The following ABCA5 variants were observed in gnomAD, a reference collection of about 807,000 sequenced individuals.
The protein encoded by ABCA5 is cholesterol transporter ABCA5.
In ABCA5, 163 loss-of-function variants were observed where a neutral mutation model predicts 206.0. The ratio of observed to expected loss-of-function variants is 0.79; its 90% CI spans 0.70 to 0.90. The LOEUF is 0.90. Among genes scored for constraint, ABCA5 ranks in the 40% least tolerant of loss-of-function variants. The pLI, the probability that ABCA5 is intolerant of heterozygous loss-of-function variation, is 0.00. For missense variants in ABCA5, 1,859 were observed against 1,912.9 expected (o/e 0.97, Z 0.53); for synonymous variants, 609 against 613.8 (o/e 0.99, Z 0.11).
intron 23 of ABCA5, among the ~76,000 whole-genome samples, chr17:69,265,195 G>A (rs2075195100): frequency 1.3e-5 from 2 of 152,056 alleles, no homozygotes; most frequent in African/African-American, 4.8e-5. Context: ...GTGTCATGGC[G>A]GTTGGGGTTA....
chr17:69,293,833 G>GGTGTGTGTGTGTGTGTGTGTGTGT (rs61315865), intron 11 of ABCA5, among the ~76,000 whole-genome samples: 11 of 123,724 alleles, frequency 8.9e-5, no homozygotes, highest in South Asian at 3.2e-4. Context: ...CAATCATACT[G>GGTGTGTGTGTGTGTGTGTGTGTGT]GTGTGTGTGT....
At position 69,289,237 on chromosome 17, in the gene ABCA5, T is replaced by C. The variant is rs891383896; in HGVS notation, c.1842A>G (p.Lys614=). Residue 614 remains lysine (K), a synonymous_variant, in exon 14 of 39, where the codon AAA becomes AAG. Transcript: ENST00000392676. ...GCTTTCTTTTTTGACCACCACTTAA[T>C]TTTTTAGCTTGGTTATCTTTGATAG... ...MQTIKDNQAK[K]LSGGQKRKLS... The C allele has an allele frequency of 1.9e-6, 3 of 1,608,586 alleles. No homozygotes were observed. In the Admixed American group the frequency reaches 5.1e-5, roughly 27 times the overall value.
chr17:69,275,881 C>T (rs1359766515), intron 19 of ABCA5, among the ~76,000 whole-genome samples: 4 of 152,034 alleles, frequency 2.6e-5, no homozygotes, highest in Non-Finnish European at 4.4e-5. Flanking sequence ...AGGGTGCATG[C>T]CAGTGTACAT....
intron 19 of ABCA5, among the ~76,000 whole-genome samples, chr17:69,275,774 T>C (rs1173188035): frequency 2.0e-5 from 3 of 152,166 alleles, no homozygotes; most frequent in African/African-American, 7.2e-5. Flanking sequence ...TATGATGGTA[T>C]TTGGAAATGG....
chr17:69,277,599 A>C, intron 19 of ABCA5, 42 bp downstream of exon 19: 1 of 1,494,824 alleles, frequency 6.7e-7, no homozygotes, highest in Non-Finnish European at 9.0e-7. Context: ...GTGTATCCTT[A>C]AAAAGCAATC....
intron 1 of ABCA5, among the ~76,000 whole-genome samples, chr17:69,320,047 T>C (rs1247400761): frequency 1.3e-5 from 2 of 152,172 alleles, no homozygotes; most frequent in African/African-American, 4.8e-5. Flanking sequence ...CTTTGGGTTG[T>C]TAAAATGACT....
At chr17:69,299,895 G>A (rs950620598) in intron 9 of ABCA5, among the ~76,000 whole-genome samples, 1 of 152,138 alleles carries the variant, frequency 6.6e-6, no homozygotes, top group Non-Finnish European at 1.5e-5. Context: ...AGACAGACTT[G>A]AGGTATGTAA....
chr17:69,325,245 G>A (rs2075889866), intron 1 of ABCA5, among the ~76,000 whole-genome samples: 1 of 151,480 alleles, frequency 6.6e-6, no homozygotes, highest in Non-Finnish European at 1.5e-5. Context: ...CGAAGTCAAG[G>A]CTGCAGTGAG....
Position 69,256,230 on chromosome 17 carries a change from T to C in ABCA5, c.3785A>G (p.Glu1262Gly), listed in dbSNP as rs745366112. 5 of 1,610,362 alleles carry C rather than the reference T, an allele frequency of 3.1e-6. No homozygotes were observed. In the South Asian group the frequency reaches 5.5e-5, roughly 18 times the overall value. Reference sequence around the variant, plus strand: ...AGCTTTGACATCTTCATCTTCATCCTCATTGTCTGGTGGTTCTGGAAGCTT... The same window carrying C: ...AGCTTTGACATCTTCATCTTCATCCCCATTGTCTGGTGGTTCTGGAAGCTT... ...NRKLPEPPDN[E>G]DEDEDVKAER... Residue 1262 changes from glutamate to glycine, a missense_variant, in exon 29 of 39, where the codon GAG (glutamate) becomes GGG (glycine). Glu to Gly is a moderately conservative substitution (Grantham distance 98). Transcript: ENST00000392676.
At chr17:69,314,098 A>G (rs2075794224) in intron 2 of ABCA5, among the ~76,000 whole-genome samples, 1 of 152,222 alleles carries the variant, frequency 6.6e-6, no homozygotes, top group South Asian at 2.1e-4. Flanking sequence ...GAAATTAACT[A>G]AATGTAGAAA....
intron 9 of ABCA5, among the ~76,000 whole-genome samples, chr17:69,298,237 A>AGGAAGGTAGGAAGGT (rs2075606683): frequency 5.3e-5 from 2 of 37,826 alleles, no homozygotes; most frequent in African/African-American, 1.8e-4. Flanking sequence ...GGTAGGAAGG[A>AGGAAGGTAGGAAGGT]AGGAAGGAAG....
intron 1 of ABCA5, among the ~76,000 whole-genome samples, chr17:69,321,156 GGAA>G (rs1361891590): frequency 6.6e-6 from 1 of 152,150 alleles, no homozygotes; most frequent in Admixed American, 6.5e-5. Context: ...CTGGGATGAA[GGAA>G]GAATGTGGGA....
At position 69,256,578 on chromosome 17, in the gene ABCA5, C is replaced by G. The variant is rs140799173; in HGVS notation, c.3732-295G>C. On this transcript the variant is annotated intron_variant, in intron 28 of 38. Coordinates refer to ENST00000392676, the MANE Select transcript of ABCA5 (RefSeq NM_172232.4). ...TCAAGCGATTCTCCTGCCTCAGCCT[C>G]CTGAGTAGCTGGGATTACAGGCACG... 2.5e-3 allele frequency among the ~76,000 whole-genome samples: 385 copies of G among 151,756 alleles called. 2 individuals carry two copies. The highest frequency in any genetic ancestry group is 8.8e-3 in the African/African-American group (365 of 41,360).
rs1234005863 is a variant in ABCA5 at position 69,308,303 on chromosome 17, A to T, written c.535T>A (p.Ser179Thr). The T allele has an allele frequency of 6.2e-7, 1 of 1,610,554 alleles. No individual in the cohort carries two copies. The part of the protein sequence containing the change: ...WSSGFTVLQA[S>T]IDAAIIQLKT... The stretch of plus-strand genomic sequence containing the variant: ...ACCTGTATAATGGCAGCATCTATGG[A>T]TGCTTGTAAAACTGTGAAACCTGAG... Residue 179 changes from serine (S) to threonine (T), a missense_variant, in exon 5 of 39, where the codon TCC becomes ACC. Coordinates refer to ENST00000392676, the MANE Select transcript of ABCA5 (RefSeq NM_172232.4).
rs551146775 is a variant in ABCA5 at position 69,255,421 on chromosome 17, T to C, written c.4068+122A>G. 10 of 579,792 alleles carry C rather than the reference T, an allele frequency of 1.7e-5. No individual in the cohort carries two copies. The East Asian group carries it at 2.3e-4, about 13-fold the overall frequency. 35.9% of individuals were successfully genotyped at this position (579,792 alleles called of 1,614,324 possible). A position where few individuals can be genotyped will look rare whatever the true frequency, so the allele number is the denominator to read the frequency against. ...AAAAGATCATAATTTGATCAGGCTG[T>C]ACAAAAAATTCTAAAAATATACATA... On this transcript the variant is annotated intron_variant, in intron 31 of 38. Coordinates refer to ENST00000392676, the MANE Select transcript of ABCA5 (RefSeq NM_172232.4).
At chr17:69,252,824 A>G (rs1276288314) in intron 34 of ABCA5, among the ~76,000 whole-genome samples, 4 of 145,836 alleles carry the variant, frequency 2.7e-5, no homozygotes, top group African/African-American at 1.0e-4. Context: ...TCAACAGAAC[A>G]AGACTCTGAC....
In ABCA5 at chr17:69,259,758, A is replaced by G; in HGVS notation, c.3679T>C (p.Tyr1227His). Residue 1227 changes from tyrosine to histidine, a missense_variant, in exon 28 of 39, where the codon TAC becomes CAC. Coordinates refer to ENST00000392676, the MANE Select transcript of ABCA5 (RefSeq NM_172232.4). The stretch of plus-strand genomic sequence containing the variant: ...CTGCCTCCATATTTTTTCTCATAGT[A>G]TTGTAAGAGGAAAATCCACAGTACA... Reference protein sequence around the residue: ...QCVLWIFLLQYYEKKYGGRSI... With the variant: ...QCVLWIFLLQHYEKKYGGRSI... 2 of 1,609,608 alleles carry G rather than the reference A, an allele frequency of 1.2e-6. No homozygotes were observed. The highest frequency in any genetic ancestry group is 1.7e-6 in the Non-Finnish European group (2 of 1,176,946).
intron 27 of ABCA5, among the ~76,000 whole-genome samples, chr17:69,260,047 GC>G (rs1299242032): frequency 6.6e-6 from 1 of 151,700 alleles, no homozygotes; most frequent in Non-Finnish European, 1.5e-5. Context: ...TTTATTGTCA[GC>G]TTCATAAAAT....
chr17:69,304,369 T>C (rs1023588471), intron 7 of ABCA5: 1 of 182,692 alleles, frequency 5.5e-6, no homozygotes, highest in African/African-American at 2.3e-5. Context: ...CAAACAAAAA[T>C]AGTCCAATAC....
Sources: gnomAD v4.1 joint callset for allele counts (sites outside exome capture counted in the v4.1 genomes callset) on GRCh38, gnomAD v4.1.1 for gene constraint, MANE v1.5 for transcripts, NCBI Gene and HGNC (gene_info 2026-07-23, HGNC 2026-07-21) for gene names.